TTC13: variants seen among roughly 807,000 people sequenced by gnomAD.
The protein encoded by TTC13 is tetratricopeptide repeat domain 13, also known as tetratricopeptide repeat protein 13.
TTC13 carries 62 observed loss-of-function variants against 120.0 expected under a neutral mutation model. The ratio of observed to expected loss-of-function variants is 0.52; its 90% CI spans 0.42 to 0.64. The LOEUF (loss-of-function observed/expected upper bound fraction) is 0.64. Among genes scored for constraint, TTC13 ranks in the 30% least tolerant of loss-of-function variants. The pLI is 0.00. For missense variants in TTC13, 824 were observed against 1,050.2 expected (o/e 0.78, Z 2.98); for synonymous variants, 384 against 393.5 (o/e 0.98, Z 0.28).
At chr1:230,934,746 T>C (rs909231304) in intron 8 of TTC13, among the ~76,000 whole-genome samples, 1 of 152,272 alleles carries the variant, frequency 6.6e-6, no homozygotes, top group Non-Finnish European at 1.5e-5. Flanking sequence ...TTACCTGCTA[T>C]AAAGCATCAT....
chr1:230,931,205 C>T lies in TTC13; in HGVS notation c.1300+93G>A, dbSNP rs77562533. The T allele has an allele frequency of 7.8e-3, 10,662 of 1,372,714 alleles. 53 individuals are homozygous for T. Among genetic ancestry groups the T allele is most frequent in the Non-Finnish European group, 9.2e-3 (9,207 of 997,332 alleles). The allele number at this position is 1,372,714 out of a possible 1,614,324, so 85.0% of individuals were successfully genotyped here. A position where few individuals can be genotyped will look rare whatever the true frequency, so the allele number is the denominator to read the frequency against. ...GAGTCACCTGGCCTCTTTCAGACTCCACTGTTTCATACGAAACATAAAAGA... is the reference window on the plus strand; with the variant it reads ...GAGTCACCTGGCCTCTTTCAGACTCTACTGTTTCATACGAAACATAAAAGA... On this transcript the variant is annotated intron_variant, in intron 11 of 22. Transcript: ENST00000366661.
At chr1:230,934,156 A>G (rs1197859616) in intron 8 of TTC13, among the ~76,000 whole-genome samples, 2 of 152,206 alleles carry the variant, frequency 1.3e-5, no homozygotes, top group African/African-American at 4.8e-5. Flanking sequence ...AACTTTGAAT[A>G]CTAATCATTT....
intron 3 of TTC13, among the ~76,000 whole-genome samples, chr1:230,954,745 A>G (rs1675900746): frequency 1.3e-5 from 2 of 152,234 alleles, no homozygotes; most frequent in South Asian, 4.1e-4. Flanking sequence ...AATAAGCCTA[A>G]ATAATGTCCA....
In TTC13 at chr1:230,909,907, C is replaced by T. The variant is rs146058213; in HGVS notation, c.2310-887G>A. 1.1e-3 allele frequency among the ~76,000 whole-genome samples: 170 copies of T among 152,090 alleles called. 3 individuals carry two copies. The highest frequency in any genetic ancestry group is 0.01 in the Admixed American group (160 of 15,292). On this transcript the variant is annotated intron_variant, in intron 20 of 22. Transcript: ENST00000366661. ...GAGTGTGCAGGTCTGGGGTAGGAGGCATTTGTAAGACGTTGTGCTTCTGCT... is the reference window on the plus strand; with the variant it reads ...GAGTGTGCAGGTCTGGGGTAGGAGGTATTTGTAAGACGTTGTGCTTCTGCT...
At position 230,921,415 on chromosome 1, in the gene TTC13, G is replaced by T. The variant is rs745967755; in HGVS notation, c.1898+6C>A. ...ATTACTAAGAAGGAGAAAATTAAAGGCTTACCCATGATAAACAAGAATTCT... is the reference window on the plus strand; with the variant it reads ...ATTACTAAGAAGGAGAAAATTAAAGTCTTACCCATGATAAACAAGAATTCT... On this transcript the variant is annotated splice_donor_region_variant and intron_variant, in intron 16 of 22. Coordinates refer to ENST00000366661, the MANE Select transcript of TTC13 (RefSeq NM_024525.5). 8 of 1,408,320 alleles carry T rather than the reference G, an allele frequency of 5.7e-6. No individual in the cohort carries two copies. In the South Asian group the frequency reaches 9.9e-5, roughly 17 times the overall value. 87.2% of individuals were successfully genotyped at this position (1,408,320 alleles called of 1,614,324 possible).
chr1:230,931,267 A>C, intron 11 of TTC13, 31 bp downstream of exon 11: 1 of 1,606,756 alleles, frequency 6.2e-7, no homozygotes. Flanking sequence ...TGAGCATGAA[A>C]ATCCAACAAT....
chr1:230,925,569 G>C lies in TTC13; in HGVS notation c.1536C>G (p.Ser512=), dbSNP rs774023798. Residue 512 remains serine, a synonymous_variant, in exon 13 of 23, where the codon TCC becomes TCG. Coordinates refer to ENST00000366661, the MANE Select transcript of TTC13 (RefSeq NM_024525.5). ...AACCAGGTGTTTCATATTGCATCAG[G>C]GATCCCAAACGATCAGCCACACAAA... The part of the protein sequence containing the change: ...ELICVADRLG[S]LMQYETPGFL... The C allele has an allele frequency of 3.1e-6, 5 of 1,613,966 alleles. No individual in the cohort carries two copies. The highest frequency in any genetic ancestry group is 4.2e-6 in the Non-Finnish European group (5 of 1,179,954).
intron 11 of TTC13, among the ~76,000 whole-genome samples, chr1:230,930,948 C>T (rs1005038426): frequency 1.3e-5 from 2 of 152,052 alleles, no homozygotes; most frequent in Non-Finnish European, 2.9e-5. Context: ...AAGAACCTCA[C>T]AGAATGTCAG....
At chr1:230,909,628 A>C (rs1671296109) in intron 20 of TTC13, among the ~76,000 whole-genome samples, 1 of 152,258 alleles carries the variant, frequency 6.6e-6, no homozygotes, top group African/African-American at 2.4e-5. Flanking sequence ...AATAAAGTTC[A>C]TAAATACAAA....
At chr1:230,958,373 T>C in intron 2 of TTC13, 74 bp from the exon 3 acceptor site, 2 of 1,492,946 alleles carry the variant, frequency 1.3e-6, no homozygotes, top group South Asian at 2.5e-5. Context: ...AAAATCTGTA[T>C]TTTAAAAAAT....
At chr1:230,931,946 C>A in intron 9 of TTC13, 69 bp from the exon 10 acceptor site, 1 of 1,495,292 alleles carries the variant, frequency 6.7e-7, no homozygotes, top group South Asian at 1.2e-5. Flanking sequence ...AAGCTATCCT[C>A]AGAATTATGG....
At chr1:230,908,016 C>T (rs1315839663) in intron 22 of TTC13, among the ~76,000 whole-genome samples, 2 of 152,244 alleles carry the variant, frequency 1.3e-5, no homozygotes, top group African/African-American at 2.4e-5. Context: ...CAATAAAATG[C>T]AACCAAGTAG....
At chr1:230,958,357 T>G in intron 2 of TTC13, 58 bp from the exon 3 acceptor site, 1 of 1,544,234 alleles carries the variant, frequency 6.5e-7, no homozygotes, top group Non-Finnish European at 8.7e-7. Flanking sequence ...AAAGAAAACT[T>G]GTATTAAAAT....
chr1:230,966,949 T>C lies in TTC13; in HGVS notation c.272-5646A>G, dbSNP rs547740653. ...GTGAATGGGGACCTGAGGGAAATTATGGATTTCACCATGGGAGGCTATGGC... is the reference window on the plus strand; with the variant it reads ...GTGAATGGGGACCTGAGGGAAATTACGGATTTCACCATGGGAGGCTATGGC... On this transcript the variant is annotated intron_variant, in intron 1 of 22. Transcript: ENST00000366661. 4.6e-5 allele frequency among the ~76,000 whole-genome samples: 7 copies of C among 152,290 alleles called. No individual in the cohort carries two copies. The East Asian group carries it at 5.8e-4, about 13-fold the overall frequency.
chr1:230,942,254 C>G lies in TTC13; in HGVS notation c.672+1552G>C, dbSNP rs942056413. Among the ~76,000 whole-genome samples the G allele has an allele frequency of 6.6e-6, 1 of 152,014 alleles. No individual in the cohort carries two copies. The highest frequency in any genetic ancestry group is 2.4e-5 in the African/African-American group (1 of 41,356). ...AATATAGGGGAAAAAACATCAGTCCCCCCTACCAGAAGCAGATGATTACCA... is the reference window on the plus strand; with the variant it reads ...AATATAGGGGAAAAAACATCAGTCCGCCCTACCAGAAGCAGATGATTACCA... On this transcript the variant is annotated intron_variant, in intron 6 of 22. Coordinates refer to ENST00000366661, the MANE Select transcript of TTC13 (RefSeq NM_024525.5). This position sits in a 1 kb window ranked among gnomAD's most constrained non-coding sequence, Gnocchi z 4.0.
rs1674434733 is a variant in TTC13, at chr1:230,940,480, C to T, written c.749G>A (p.Arg250Gln). ...TKAIQLQPSA[R>Q]LYRHRGTLYF... ...CAGGGTTCCCCGATGTCTGTACAGC[C>T]GTGCTGAGGGCTGCAGTTGGATAGC... Residue 250 changes from arginine to glutamine, a missense_variant, in exon 7 of 23, where the codon CGG becomes CAG. By Grantham distance (43) the Arg-to-Gln change is conservative. Transcript: ENST00000366661. The surrounding 1 kb of genome is among the most constrained non-coding windows in gnomAD (Gnocchi z 4.1). 1 of 1,613,786 alleles carries T rather than the reference C, an allele frequency of 6.2e-7. No homozygotes were observed. The highest frequency in any genetic ancestry group is 8.5e-7 in the Non-Finnish European group (1 of 1,179,796).
chr1:230,938,616 C>T (rs1674287810), intron 8 of TTC13, among the ~76,000 whole-genome samples: 1 of 152,174 alleles, frequency 6.6e-6, no homozygotes, highest in African/African-American at 2.4e-5. Flanking sequence ...CAACCTGTTC[C>T]TGTGGTCTCT....
At chr1:230,959,119 A>G (rs1676379644) in intron 2 of TTC13, among the ~76,000 whole-genome samples, 1 of 152,252 alleles carries the variant, frequency 6.6e-6, no homozygotes, top group Non-Finnish European at 1.5e-5. Context: ...CACCTCAGTG[A>G]AGCTGGGAAA....
chr1:230,922,620 C>G (rs1344591620), intron 15 of TTC13, among the ~76,000 whole-genome samples: 1 of 152,144 alleles, frequency 6.6e-6, no homozygotes, highest in Non-Finnish European at 1.5e-5. Flanking sequence ...GAGTTAGTCA[C>G]AGTTTCCTGA....
Sources: gnomAD v4.1 joint callset for allele counts (sites outside exome capture counted in the v4.1 genomes callset) on GRCh38, gnomAD v4.1.1 for gene constraint, Gnocchi (gnomAD v3.1) non-coding constraint, MANE v1.5 for transcripts, NCBI Gene and HGNC (gene_info 2026-07-23, HGNC 2026-07-21) for gene names.